The following SYT1 variants were observed in gnomAD, a reference collection of about 807,000 sequenced individuals.
SYT1 encodes synaptotagmin-1.
A neutral mutation model predicts 44.8 loss-of-function variants in SYT1; 8 were observed. The observed-to-expected ratio is 0.18, with a 90% CI of 0.10 to 0.32. The LOEUF is 0.32. Among genes scored for constraint, SYT1 ranks in the 10% least tolerant of loss-of-function variants. The probability of loss-of-function intolerance (pLI) is 1.00; values close to 1 mark genes in which losing one functional copy is unlikely to be tolerated. For synonymous variants in SYT1, 154 were observed against 188.8 expected (o/e 0.82, Z 1.51); for missense variants, 286 against 509.3 (o/e 0.56, Z 4.22).
chr12:79,322,816 A>G lies in SYT1; in HGVS notation c.810+23265A>G, dbSNP rs185012062. Among the ~76,000 whole-genome samples, 185 of 152,326 alleles carry G rather than the reference A, an allele frequency of 1.2e-3. 1 individual carries two copies. Among genetic ancestry groups the G allele is most frequent in the Non-Finnish European group, 1.6e-3 (109 of 68,032 alleles). On this transcript the variant is annotated intron_variant, in intron 8 of 10. Transcript: ENST00000261205. ...CTGGGAATGACTTTCTGAAGACACT[A>G]AAATCCAAATAAAAAGAAAGACATT... is the stretch of plus-strand genomic sequence containing the variant.
At chr12:79,167,459 T>C (rs1486930128) in intron 3 of SYT1, among the ~76,000 whole-genome samples, 1 of 152,000 alleles carries the variant, frequency 6.6e-6, no homozygotes, top group Non-Finnish European at 1.5e-5. Flanking sequence ...TTGAAAGGTA[T>C]ACTACAAAAG....
intron 9 of SYT1, among the ~76,000 whole-genome samples, chr12:79,423,312 A>G (rs1459184745): frequency 6.6e-6 from 1 of 152,080 alleles, no homozygotes; most frequent in African/African-American, 2.4e-5. Flanking sequence ...AGTGGTTTTC[A>G]TTGTTGGTAT....
intron 4 of SYT1, among the ~76,000 whole-genome samples, chr12:79,278,448 T>A (rs1412988918): frequency 1.3e-5 from 2 of 152,032 alleles, no homozygotes; most frequent in African/African-American, 4.8e-5. Context: ...CAGAAATTTT[T>A]AAAAATTTTT....
intron 8 of SYT1, among the ~76,000 whole-genome samples, chr12:79,346,878 C>G (rs1184883730): frequency 6.6e-6 from 1 of 152,142 alleles, no homozygotes; most frequent in Non-Finnish European, 1.5e-5. Context: ...ATAGTCCCTG[C>G]TCTTCTGGAG....
chr12:79,436,438 G>T (rs1870094482), intron 9 of SYT1, among the ~76,000 whole-genome samples: 1 of 152,156 alleles, frequency 6.6e-6, no homozygotes, highest in South Asian at 2.1e-4. Context: ...AAAGGCCATG[G>T]TCACAGGAGC....
intron 1 of SYT1, among the ~76,000 whole-genome samples, chr12:78,934,826 T>C (rs963741288): frequency 4.6e-5 from 7 of 152,192 alleles, no homozygotes; most frequent in African/African-American, 1.7e-4. Flanking sequence ...ATTAGAAGCA[T>C]GGTGATGGCT....
At chr12:78,969,898 G>A (rs192936081) in intron 1 of SYT1, among the ~76,000 whole-genome samples, 1 of 152,090 alleles carries the variant, frequency 6.6e-6, no homozygotes, top group African/African-American at 2.4e-5. Flanking sequence ...ACAAGTAAAG[G>A]CCCAGGATTC....
intron 2 of SYT1, among the ~76,000 whole-genome samples, chr12:79,032,294 C>A (rs1347431667): frequency 6.6e-6 from 1 of 151,116 alleles, no homozygotes; most frequent in African/African-American, 2.4e-5. Flanking sequence ...GCTTCTATTG[C>A]CCTAAACAAC....
intron 3 of SYT1, among the ~76,000 whole-genome samples, chr12:79,047,961 T>A (rs1230877824): frequency 6.6e-6 from 1 of 151,906 alleles, no homozygotes; most frequent in South Asian, 2.1e-4. Context: ...AAGTACATGT[T>A]GATGTCAATC....
At chr12:78,960,303 A>T (rs1404052665) in intron 1 of SYT1, 14 of 152,186 alleles carry the variant, frequency 9.2e-5, no homozygotes, top group African/African-American at 3.4e-4. Context: ...TTTCTGCCAC[A>T]ATTTAAATAT....
At chr12:78,999,625 A>G (rs9668758) in intron 2 of SYT1, among the ~76,000 whole-genome samples, 3,397 of 152,238 alleles carry the variant, frequency 0.022, 119 homozygotes, top group African/African-American at 0.077. Context: ...TCACACTCTC[A>G]ATATTTGAAT....
At chr12:78,915,215 A>G (rs910914822) in intron 1 of SYT1, among the ~76,000 whole-genome samples, 5 of 152,078 alleles carry the variant, frequency 3.3e-5, no homozygotes, top group African/African-American at 1.2e-4. Context: ...ATAATAGATC[A>G]AAGGTTCCCA....
intron 4 of SYT1, among the ~76,000 whole-genome samples, chr12:79,223,591 G>A (rs1217845080): frequency 2.0e-5 from 3 of 152,186 alleles, no homozygotes; most frequent in Non-Finnish European, 2.9e-5. Context: ...AGAAGCCTGA[G>A]GTCCACAACA....
chr12:79,389,111 T>C (rs1390659537), intron 9 of SYT1, among the ~76,000 whole-genome samples: 1 of 152,238 alleles, frequency 6.6e-6, no homozygotes, highest in Non-Finnish European at 1.5e-5. Context: ...CAGAATTATA[T>C]GTAATCAGTT....
At chr12:79,085,566 T>C (rs1452774078) in intron 3 of SYT1, among the ~76,000 whole-genome samples, 1 of 152,156 alleles carries the variant, frequency 6.6e-6, no homozygotes, top group Non-Finnish European at 1.5e-5. Flanking sequence ...TGTACCTTTC[T>C]TTGGGCTCAC....
At chr12:79,166,779 C>T (rs192453343) in intron 3 of SYT1, among the ~76,000 whole-genome samples, 49 of 152,050 alleles carry the variant, frequency 3.2e-4, no homozygotes, top group Admixed American at 1.8e-3. Context: ...TTGGATTATA[C>T]GGGAAGCTTT....
At chr12:79,025,916 A>T (rs1872502867) in intron 2 of SYT1, among the ~76,000 whole-genome samples, 1 of 151,610 alleles carries the variant, frequency 6.6e-6, no homozygotes, top group African/African-American at 2.4e-5. Context: ...GAAGTAGATT[A>T]TGTTTATATA....
intron 1 of SYT1, among the ~76,000 whole-genome samples, chr12:78,922,196 A>G (rs1227560893): frequency 2.0e-5 from 3 of 151,936 alleles, no homozygotes; most frequent in Non-Finnish European, 4.4e-5. Context: ...TATCTCTTAC[A>G]CTAAGCACAG....
chr12:79,210,067 A>G (rs550735996), intron 3 of SYT1, among the ~76,000 whole-genome samples: 34 of 152,190 alleles, frequency 2.2e-4, no homozygotes, highest in Admixed American at 2.2e-3. Context: ...ATTGCAGTAT[A>G]GTAGACTATC....
Sources: allele counts gnomAD v4.1 joint callset (sites outside exome capture counted in the v4.1 genomes callset), GRCh38; gene constraint gnomAD v4.1.1; transcripts MANE v1.5; gene names NCBI Gene and HGNC (gene_info 2026-07-23, HGNC 2026-07-21).